The following GRK3 variants were observed in gnomAD, a reference collection of about 807,000 sequenced individuals.
GRK3 encodes the protein G protein-coupled receptor kinase 3.
GRK3 carries 54 observed loss-of-function variants against 95.7 expected under a neutral mutation model. The ratio of observed to expected loss-of-function variants is 0.56; its 90% CI spans 0.45 to 0.71. The LOEUF (loss-of-function observed/expected upper bound fraction) is 0.71. Among genes scored for constraint, GRK3 ranks in the 30% least tolerant of loss-of-function variants. The pLI is 0.00. For synonymous variants in GRK3, 281 were observed against 290.8 expected (o/e 0.97, Z 0.34); for missense variants, 649 against 851.2 (o/e 0.76, Z 2.96).
chr22:25,701,784 G>A (rs1451886067), intron 13 of GRK3, among the ~76,000 whole-genome samples: 1 of 152,110 alleles, frequency 6.6e-6, no homozygotes. Flanking sequence ...AAGGAACATC[G>A]TCGGGTGGAA....
At chr22:25,648,178 G>C (rs1167536632) in intron 3 of GRK3, 4 of 713,070 alleles carry the variant, frequency 5.6e-6, no homozygotes, top group Non-Finnish European at 1.0e-5. Context: ...ACTACTAAAG[G>C]TGCTTATTCC....
intron 2 of GRK3, among the ~76,000 whole-genome samples, chr22:25,608,746 G>C (rs1304466162): frequency 1.3e-5 from 2 of 152,236 alleles, no homozygotes; most frequent in Non-Finnish European, 2.9e-5. Context: ...CTGTAGATAA[G>C]AACCCGGGCT....
chr22:25,642,170 C>T (rs896900664), intron 2 of GRK3, among the ~76,000 whole-genome samples: 27 of 152,296 alleles, frequency 1.8e-4, no homozygotes, highest in African/African-American at 5.5e-4. Flanking sequence ...CGGTGGCTCA[C>T]GCCTGTAATC....
intron 1 of GRK3, among the ~76,000 whole-genome samples, 199 bp from the exon 2 acceptor site, chr22:25,604,178 C>T (rs536512495): frequency 1.3e-5 from 2 of 152,038 alleles, no homozygotes; most frequent in East Asian, 3.8e-4. Context: ...TAAGGTTGGC[C>T]CTGTGTTGCA....
chr22:25,636,900 G>A (rs1318632376), intron 2 of GRK3, among the ~76,000 whole-genome samples: 12 of 152,178 alleles, frequency 7.9e-5, no homozygotes, highest in Non-Finnish European at 1.6e-4. Flanking sequence ...ACCTGGCTAC[G>A]TTAAATGTGA....
chr22:25,698,129 G>A (rs1418419987), intron 13 of GRK3, among the ~76,000 whole-genome samples: 1 of 147,282 alleles, frequency 6.8e-6, no homozygotes, highest in Non-Finnish European at 1.5e-5. Flanking sequence ...AAGAAAGGAG[G>A]AAGGAGAGGG....
chr22:25,570,094 G>GA (rs565863767), intron 1 of GRK3, among the ~76,000 whole-genome samples: 4 of 152,160 alleles, frequency 2.6e-5, no homozygotes, highest in East Asian at 3.8e-4. Context: ...TTATTTGGGG[G>GA]AAAAAATCCT....
chr22:25,717,515 G>T (rs149775031), intron 18 of GRK3, among the ~76,000 whole-genome samples: 20 of 152,286 alleles, frequency 1.3e-4, no homozygotes, highest in Non-Finnish European at 2.1e-4. Context: ...GTTCTCTGCT[G>T]AACCCAGAAT....
intron 12 of GRK3, 113 bp from the exon 13 acceptor site, chr22:25,694,994 T>C: frequency 3.0e-6 from 2 of 657,452 alleles, no homozygotes; most frequent in Admixed American, 2.4e-5. Context: ...CTGTCCCCTC[T>C]CCTTTGTTTA....
intron 6 of GRK3, among the ~76,000 whole-genome samples, chr22:25,668,303 T>C (rs1407236986): frequency 6.6e-6 from 1 of 152,240 alleles, no homozygotes; most frequent in African/African-American, 2.4e-5. Context: ...TGGTCAATTC[T>C]TCAGTTTTTT....
At chr22:25,583,473 C>T (rs1569152854) in intron 1 of GRK3, among the ~76,000 whole-genome samples, 1 of 151,818 alleles carries the variant, frequency 6.6e-6, no homozygotes, top group East Asian at 1.9e-4. Flanking sequence ...GCCTTGCCCA[C>T]GGTCCCTTAG....
At chr22:25,612,235 G>A (rs899647518) in intron 2 of GRK3, among the ~76,000 whole-genome samples, 2 of 152,136 alleles carry the variant, frequency 1.3e-5, no homozygotes, top group African/African-American at 4.8e-5. Flanking sequence ...ATCTTGGTCT[G>A]TGGTCGAATT....
chr22:25,703,809 G>A (rs751444076), intron 14 of GRK3, among the ~76,000 whole-genome samples: 5 of 152,116 alleles, frequency 3.3e-5, no homozygotes, highest in Non-Finnish European at 7.3e-5. Flanking sequence ...ATTTACTAAC[G>A]AACAGTATGA....
chr22:25,590,105 A>C (rs1056681425), intron 1 of GRK3, among the ~76,000 whole-genome samples: 2 of 151,472 alleles, frequency 1.3e-5, no homozygotes, highest in Non-Finnish European at 2.9e-5. Flanking sequence ...ATTTTGTTTT[A>C]TCTATACCTC....
At position 25,726,921 on chromosome 22, in the gene GRK3, G is replaced by C. The variant is rs2085478786; in HGVS notation, c.*4471G>C. On this transcript the variant is annotated 3_prime_UTR_variant, in exon 21 of 21. Transcript: ENST00000324198. The stretch of plus-strand genomic sequence containing the variant: ...CATCTCCAAAACACCCCGTGTGTGT[G>C]TGTGTGTGTGTGTGTGTGTGTGTGT... 7.1e-6 allele frequency: 1 copy of C among 140,198 alleles called. No individual in the cohort carries two copies. The highest frequency in any genetic ancestry group is 2.5e-4 in the South Asian group (1 of 4,008). The allele number at this position is 140,198 out of a possible 1,614,324, so 8.7% of individuals were successfully genotyped here.
chr22:25,617,753 A>G (rs1455068396), intron 2 of GRK3, among the ~76,000 whole-genome samples: 4 of 152,082 alleles, frequency 2.6e-5, no homozygotes, highest in Admixed American at 6.5e-5. Context: ...AGATTCTTCC[A>G]TATTGTGGCT....
At chr22:25,658,807 T>C (rs1322633313) in intron 3 of GRK3, among the ~76,000 whole-genome samples, 1 of 152,058 alleles carries the variant, frequency 6.6e-6, no homozygotes, top group East Asian at 1.9e-4. Flanking sequence ...GATTATTCAT[T>C]TTTTGGCTTA....
chr22:25,636,887 T>TC (rs2084705916), intron 2 of GRK3, among the ~76,000 whole-genome samples: 1 of 152,240 alleles, frequency 6.6e-6, no homozygotes, highest in South Asian at 2.1e-4. Flanking sequence ...AGTTTCGTAG[T>TC]CAACCTGGCT....
chr22:25,705,414 G>A (rs2085292153), intron 15 of GRK3, among the ~76,000 whole-genome samples: 2 of 152,082 alleles, frequency 1.3e-5, no homozygotes, highest in Admixed American at 1.3e-4. Flanking sequence ...TTATCAAGAT[G>A]ATACTGCTTT....
Sources: allele counts gnomAD v4.1 joint callset (sites outside exome capture counted in the v4.1 genomes callset), GRCh38; gene constraint gnomAD v4.1.1; transcripts MANE v1.5; gene names NCBI Gene and HGNC (gene_info 2026-07-23, HGNC 2026-07-21).